The following PINX1 variants were observed in gnomAD, a reference collection of about 807,000 sequenced individuals.
PINX1 encodes the protein PIN2 (TERF1) interacting telomerase inhibitor 1.
Under a neutral mutation model 25.4 loss-of-function variants are expected in PINX1, and 34 were observed. The ratio of observed to expected loss-of-function variants is 1.34; its 90% CI spans 1.02 to 1.78. The LOEUF (loss-of-function observed/expected upper bound fraction) is 1.78, where lower values mean the gene tolerates loss of function less well. Among genes scored for constraint, PINX1 ranks in the 40% most tolerant of loss-of-function variants. The pLI is 0.00. For synonymous variants in PINX1, 197 were observed against 147.7 expected (o/e 1.33, Z -2.42); for missense variants, 592 against 404.9 (o/e 1.46, Z -3.97).
chr8:10,830,347 T>C (rs1798191380), intron 4 of PINX1, among the ~76,000 whole-genome samples: 1 of 152,222 alleles, frequency 6.6e-6, no homozygotes, highest in Non-Finnish European at 1.5e-5. Context: ...GTCACTGCAA[T>C]AAACCTTCCT....
rs113998549 is a variant in PINX1 at position 10,830,746 on chromosome 8, G to A, written c.301+919C>T. Among the ~76,000 whole-genome samples, 872 of 152,250 alleles carry A rather than the reference G, an allele frequency of 5.7e-3. 5 individuals are homozygous for A. Among genetic ancestry groups the A allele is most frequent in the African/African-American group, 0.02 (830 of 41,538 alleles). ...CTTAACATCAGTCATTAGGGAAATG[G>A]AAATCCAAATCACAATGAGACATCA... On this transcript the variant is annotated intron_variant, in intron 4 of 6. Transcript: ENST00000314787.
At chr8:10,797,832 C>T (rs1404128561) in intron 6 of PINX1, among the ~76,000 whole-genome samples, 1 of 152,172 alleles carries the variant, frequency 6.6e-6, no homozygotes, top group Non-Finnish European at 1.5e-5. Context: ...AATGGTACAG[C>T]AGGAACTAGT....
At chr8:10,835,716 G>A (rs1586215936) in intron 1 of PINX1, among the ~76,000 whole-genome samples, 1 of 151,946 alleles carries the variant, frequency 6.6e-6, no homozygotes. Context: ...TGTGCCCACA[G>A]CAGGCACTCA....
At chr8:10,803,538 T>C (rs1158739426) in intron 6 of PINX1, among the ~76,000 whole-genome samples, 2 of 152,254 alleles carry the variant, frequency 1.3e-5, no homozygotes, top group African/African-American at 4.8e-5. Flanking sequence ...ATTGGGTCAA[T>C]TGTTTCGAGC....
intron 5 of PINX1, among the ~76,000 whole-genome samples, chr8:10,824,519 G>A (rs746337304): frequency 5.9e-5 from 9 of 152,096 alleles, no homozygotes; most frequent in Middle Eastern, 3.2e-3. Context: ...CAGAACCCTC[G>A]CTGGAAGACA....
chr8:10,780,532 C>G (rs1801553332), intron 6 of PINX1, among the ~76,000 whole-genome samples: 2 of 152,014 alleles, frequency 1.3e-5, no homozygotes, highest in African/African-American at 2.4e-5. Context: ...GTTAAACCAG[C>G]CTTGCACGCC....
At chr8:10,823,876 A>G (rs1389879531) in intron 5 of PINX1, among the ~76,000 whole-genome samples, 1 of 152,188 alleles carries the variant, frequency 6.6e-6, no homozygotes, top group Non-Finnish European at 1.5e-5. Context: ...GCAGTAGCAA[A>G]TTTTACAACA....
intron 6 of PINX1, among the ~76,000 whole-genome samples, chr8:10,798,102 C>T (rs1218527460): frequency 6.6e-6 from 1 of 152,226 alleles, no homozygotes; most frequent in Non-Finnish European, 1.5e-5. Context: ...ACTGCCCCAT[C>T]CACACACATG....
At chr8:10,835,527 T>A (rs1563241845) in intron 1 of PINX1, among the ~76,000 whole-genome samples, 1 of 152,244 alleles carries the variant, frequency 6.6e-6, no homozygotes, top group Non-Finnish European at 1.5e-5. Context: ...CTCATTGAGA[T>A]GCCCTGAAGC....
chr8:10,791,595 A>T (rs1224390617), intron 6 of PINX1, among the ~76,000 whole-genome samples: 1 of 152,234 alleles, frequency 6.6e-6, no homozygotes, highest in Non-Finnish European at 1.5e-5. Flanking sequence ...TTTAGGCTTC[A>T]GTGCAAAGTT....
At chr8:10,788,427 T>C (rs1360337760) in intron 6 of PINX1, among the ~76,000 whole-genome samples, 1 of 152,112 alleles carries the variant, frequency 6.6e-6, no homozygotes, top group Non-Finnish European at 1.5e-5. Context: ...CAGCTGGGCA[T>C]GGTGGCATGT....
chr8:10,784,050 A>C (rs1436299920), intron 6 of PINX1, among the ~76,000 whole-genome samples: 2 of 152,242 alleles, frequency 1.3e-5, no homozygotes, highest in African/African-American at 2.4e-5. Flanking sequence ...AGTCTAAACT[A>C]AACTCTGACC....
chr8:10,796,178 G>A (rs1014695129), intron 6 of PINX1, among the ~76,000 whole-genome samples: 4 of 152,156 alleles, frequency 2.6e-5, no homozygotes, highest in Non-Finnish European at 5.9e-5. Context: ...GTGCATGGAA[G>A]GAGCTTGATT....
intron 6 of PINX1, among the ~76,000 whole-genome samples, chr8:10,779,626 T>C (rs933138619): frequency 2.0e-4 from 31 of 152,114 alleles, no homozygotes; most frequent in African/African-American, 6.8e-4. Flanking sequence ...AGCAAATGAG[T>C]ACTGTGATAT....
chr8:10,830,714 A>C (rs1017185920), intron 4 of PINX1, among the ~76,000 whole-genome samples: 11 of 152,240 alleles, frequency 7.2e-5, no homozygotes, highest in African/African-American at 2.7e-4. Flanking sequence ...TAAGCGATGA[A>C]AAGATGCTTA....
intron 6 of PINX1, chr8:10,771,169 A>G (rs1801209274): frequency 6.6e-6 from 1 of 152,232 alleles, no homozygotes; most frequent in African/African-American, 2.4e-5. Flanking sequence ...GACAAACACA[A>G]ATTATGTCTT....
chr8:10,773,271 C>A (rs1459768385), intron 6 of PINX1, among the ~76,000 whole-genome samples: 1 of 152,176 alleles, frequency 6.6e-6, no homozygotes, highest in Non-Finnish European at 1.5e-5. Flanking sequence ...GGACGCTGGG[C>A]TTTGACAAAG....
intron 6 of PINX1, among the ~76,000 whole-genome samples, chr8:10,769,486 A>C: frequency 6.6e-6 from 1 of 152,194 alleles, no homozygotes; most frequent in South Asian, 2.1e-4. Flanking sequence ...CCTGTTCCCC[A>C]GTTCACAGAG....
intron 3 of PINX1, among the ~76,000 whole-genome samples, chr8:10,832,254 T>C (rs1469917014): frequency 6.6e-6 from 1 of 152,144 alleles, no homozygotes; most frequent in Non-Finnish European, 1.5e-5. Context: ...TGAGTTCCCA[T>C]TTGTAAGGTG....
Sources: allele counts gnomAD v4.1 joint callset (sites outside exome capture counted in the v4.1 genomes callset), GRCh38; gene constraint gnomAD v4.1.1; transcripts MANE v1.5; gene names NCBI Gene and HGNC (gene_info 2026-07-23, HGNC 2026-07-21).